Variants in PRKAG2 observed in about 807,000 individuals in gnomAD.
PRKAG2 encodes the protein protein kinase AMP-activated non-catalytic subunit gamma 2, also known as 5'-AMP-activated protein kinase subunit gamma-2.
PRKAG2 carries 26 observed loss-of-function variants against 69.6 expected under a neutral mutation model. The observed-to-expected ratio is 0.37, with a 90% CI of 0.27 to 0.52. PRKAG2 has a LOEUF of 0.52. PRKAG2 is among the 20% of genes least tolerant of loss of function. The pLI is 0.90. For missense variants in PRKAG2, 557 were observed against 740.0 expected, an observed-to-expected ratio of 0.75 and a Z score of 2.87; for synonymous variants, 293 against 285.0, an observed-to-expected ratio of 1.03 and a Z score of -0.28.
chr7:151,728,048 T>C (rs1326654863), intron 3 of PRKAG2, among the ~76,000 whole-genome samples: 1 of 152,084 alleles, frequency 6.6e-6, no homozygotes, highest in Non-Finnish European at 1.5e-5. Flanking sequence ...CCGTCCTCCG[T>C]GGATCCCTCC....
chr7:151,781,797 C>G lies in PRKAG2; in HGVS notation c.187-366G>C, dbSNP rs1214762371. ...TCACCTCTCAAGACCTCACGTCCATCCAAGTTCTGACCACACAGGACTGCA... is the reference window on the plus strand; with the variant it reads ...TCACCTCTCAAGACCTCACGTCCATGCAAGTTCTGACCACACAGGACTGCA... On this transcript the variant is annotated intron_variant, in intron 2 of 15. Transcript: ENST00000287878. This position sits in a 1 kb window ranked among gnomAD's most constrained non-coding sequence, Gnocchi z 6.1. 6.6e-6 allele frequency among the ~76,000 whole-genome samples: 1 copy of G among 152,204 alleles called. No individual in the cohort carries two copies. Among genetic ancestry groups the G allele is most frequent in the Non-Finnish European group, 1.5e-5 (1 of 68,040 alleles).
chr7:151,739,344 T>C (rs1217333008), intron 3 of PRKAG2, among the ~76,000 whole-genome samples: 1 of 152,224 alleles, frequency 6.6e-6, no homozygotes, highest in East Asian at 1.9e-4. Flanking sequence ...ACTTTTCTCA[T>C]GCAATTTCTA....
At chr7:151,609,012 C>A (rs981102986) in intron 5 of PRKAG2, among the ~76,000 whole-genome samples, 1 of 152,096 alleles carries the variant, frequency 6.6e-6, no homozygotes, top group African/African-American at 2.4e-5. Flanking sequence ...TAGGCATACA[C>A]CACTGCAATT....
chr7:151,776,589 G>A (rs541110224), intron 3 of PRKAG2, among the ~76,000 whole-genome samples: 20 of 152,318 alleles, frequency 1.3e-4, no homozygotes, highest in African/African-American at 4.6e-4. Context: ...GTACACACGG[G>A]CCCCAGCAGG....
intron 1 of PRKAG2, among the ~76,000 whole-genome samples, chr7:151,841,439 A>G (rs112070695): frequency 0.022 from 2,050 of 91,458 alleles, 58 homozygotes; most frequent in African/African-American, 0.064. Flanking sequence ...TGGTAGTGAT[A>G]GTAGGTAGGG....
intron 3 of PRKAG2, among the ~76,000 whole-genome samples, chr7:151,696,533 TTGAC>T: frequency 6.6e-6 from 1 of 152,222 alleles, no homozygotes; most frequent in East Asian, 1.9e-4. Flanking sequence ...CATCTCTCCT[TTGAC>T]TGAGAACAAG....
At chr7:151,620,816 A>G (rs1301163814) in intron 5 of PRKAG2, among the ~76,000 whole-genome samples, 4 of 151,540 alleles carry the variant, frequency 2.6e-5, no homozygotes, top group Admixed American at 6.6e-5. Context: ...TTAATTAAAA[A>G]AATTAAAGAT....
At chr7:151,561,252 C>T (rs757119592) in intron 14 of PRKAG2, among the ~76,000 whole-genome samples, 8 of 152,162 alleles carry the variant, frequency 5.3e-5, no homozygotes, top group Non-Finnish European at 7.3e-5. Context: ...AGAAAAGATA[C>T]AACTCAAACA....
intron 5 of PRKAG2, among the ~76,000 whole-genome samples, chr7:151,615,664 A>G (rs1819954626): frequency 6.6e-6 from 1 of 152,238 alleles, no homozygotes; most frequent in African/African-American, 2.4e-5. Context: ...CAAAGGATGC[A>G]TCCAACAAAG....
In PRKAG2 at chr7:151,768,444, A is replaced by T. The variant is rs76584595; in HGVS notation, c.466+12708T>A. ...AAGTTTAGAACTCTTGTTCTTCAAG[A>T]TCTCTCTTCCTATTCTTTCTTTCTT... On this transcript the variant is annotated intron_variant, in intron 3 of 15. Coordinates refer to ENST00000287878, the MANE Select transcript of PRKAG2 (RefSeq NM_016203.4). Among the ~76,000 whole-genome samples, 745 of 148,444 alleles carry T rather than the reference A, an allele frequency of 5.0e-3. 6 individuals carry two copies. The highest frequency in any genetic ancestry group is 0.017 in the African/African-American group (687 of 40,006).
rs1188201165 is a variant in PRKAG2, at chr7:151,877,000, G to A, written c.-380C>T. ...CAGATTCCCAGAGGTAATCTGAAAGGCAGGTGCAATTAAAACCAGCAATTT... is the reference window on the plus strand; with the variant it reads ...CAGATTCCCAGAGGTAATCTGAAAGACAGGTGCAATTAAAACCAGCAATTT... On this transcript the variant is annotated 5_prime_UTR_variant, in exon 1 of 16. Coordinates refer to ENST00000287878, the MANE Select transcript of PRKAG2 (RefSeq NM_016203.4). 5 of 341,730 alleles carry A rather than the reference G, an allele frequency of 1.5e-5. No homozygotes were observed. The highest frequency in any genetic ancestry group is 1.1e-4 in the South Asian group (4 of 37,952). The allele number at this position is 341,730 out of a possible 1,614,324, so 21.2% of individuals were successfully genotyped here. A position where few individuals can be genotyped will look rare whatever the true frequency, so the allele number is the denominator to read the frequency against.
At chr7:151,801,280 G>T (rs1293019696) in intron 1 of PRKAG2, among the ~76,000 whole-genome samples, 1 of 152,202 alleles carries the variant, frequency 6.6e-6, no homozygotes, top group East Asian at 1.9e-4. Context: ...CCAGTCTGAG[G>T]CTCAGCGCTC....
At chr7:151,823,196 G>A (rs2078832109) in intron 1 of PRKAG2, among the ~76,000 whole-genome samples, 1 of 152,006 alleles carries the variant, frequency 6.6e-6, no homozygotes, top group Non-Finnish European at 1.5e-5. Flanking sequence ...AGGAAGAACA[G>A]GAAAAATGTG....
At chr7:151,805,351 G>A (rs1390374272) in intron 1 of PRKAG2, among the ~76,000 whole-genome samples, 1 of 152,212 alleles carries the variant, frequency 6.6e-6, no homozygotes, top group Non-Finnish European at 1.5e-5. Flanking sequence ...TGATGTGAGA[G>A]TGAAGGAGCC....
chr7:151,558,254 G>A (rs936111001), intron 15 of PRKAG2: 58 of 985,320 alleles, frequency 5.9e-5, no homozygotes, highest in Non-Finnish European at 6.6e-5. Context: ...GCCATTGCCC[G>A]ATGAAAAGAA....
intron 1 of PRKAG2, among the ~76,000 whole-genome samples, chr7:151,796,814 G>C (rs925340979): frequency 6.6e-6 from 1 of 152,134 alleles, no homozygotes; most frequent in African/African-American, 2.4e-5. Flanking sequence ...TCGGGATAAG[G>C]GAATGACATC....
intron 1 of PRKAG2, among the ~76,000 whole-genome samples, chr7:151,833,889 C>T (rs2079091935): frequency 6.6e-6 from 1 of 152,242 alleles, no homozygotes; most frequent in East Asian, 1.9e-4. Context: ...CACAAGCACA[C>T]TGCCCCCGCT....
intron 5 of PRKAG2, among the ~76,000 whole-genome samples, chr7:151,613,135 G>A (rs1368930992): frequency 6.6e-6 from 1 of 152,242 alleles, no homozygotes; most frequent in East Asian, 1.9e-4. Flanking sequence ...AGACTGGGCA[G>A]ATGGAAGAAA....
intron 1 of PRKAG2, among the ~76,000 whole-genome samples, chr7:151,791,011 T>C (rs1016480593): frequency 5.9e-5 from 9 of 151,990 alleles, no homozygotes; most frequent in Admixed American, 2.6e-4. Context: ...CTGGAGTGAG[T>C]ATGAAAGCAT....
Sources: allele counts gnomAD v4.1 joint callset (sites outside exome capture counted in the v4.1 genomes callset), GRCh38; gene constraint gnomAD v4.1.1; non-coding constraint Gnocchi (gnomAD v3.1); transcripts MANE v1.5; gene names NCBI Gene and HGNC (gene_info 2026-07-23, HGNC 2026-07-21).